CRTC3: variants seen among roughly 807,000 people sequenced by gnomAD.
The protein encoded by CRTC3 is CREB regulated transcription coactivator 3.
In CRTC3, 26 loss-of-function variants were observed where a neutral mutation model predicts 74.5. The ratio of observed to expected loss-of-function variants is 0.35; its 90% confidence interval spans 0.26 to 0.48. The LOEUF (loss-of-function observed/expected upper bound fraction) is 0.48, where lower values mean the gene tolerates loss of function less well. CRTC3 is among the 20% of genes least tolerant of loss of function. The probability of loss-of-function intolerance (pLI) is 0.99; values close to 1 mark genes in which losing one functional copy is unlikely to be tolerated. For missense variants in CRTC3, 760 were observed against 787.3 expected, an observed-to-expected ratio of 0.97 and a Z score of 0.41; for synonymous variants, 377 against 325.8, an observed-to-expected ratio of 1.16 and a Z score of -1.69.
intron 3 of CRTC3, among the ~76,000 whole-genome samples, chr15:90,599,932 C>CAGAT (rs1275941047): frequency 6.6e-6 from 1 of 152,176 alleles, no homozygotes; most frequent in African/African-American, 2.4e-5. Flanking sequence ...AAGAGAAAGG[C>CAGAT]AGATAACCGT....
intron 2 of CRTC3, among the ~76,000 whole-genome samples, chr15:90,588,338 C>T (rs1967717084): frequency 6.6e-6 from 1 of 151,796 alleles, no homozygotes; most frequent in South Asian, 2.1e-4. Context: ...TATTAGCCAG[C>T]TTTGCTTTAG....
chr15:90,564,584 G>A (rs753341850), intron 2 of CRTC3, among the ~76,000 whole-genome samples: 5 of 152,096 alleles, frequency 3.3e-5, no homozygotes, highest in Non-Finnish European at 7.4e-5. Flanking sequence ...TACTACTGAT[G>A]TTCTTTTCTT....
At chr15:90,611,465 C>T (rs1968354794) in intron 6 of CRTC3, among the ~76,000 whole-genome samples, 1 of 152,056 alleles carries the variant, frequency 6.6e-6, no homozygotes, top group Non-Finnish European at 1.5e-5. Flanking sequence ...ATTCCTTTTT[C>T]TTTTTAACCC....
chr15:90,641,802 G>T (rs1280776767), intron 14 of CRTC3, 130 bp from the exon 15 acceptor site: 3 of 704,508 alleles, frequency 4.3e-6, no homozygotes, highest in Non-Finnish European at 7.5e-6. Flanking sequence ...GGCAAGAACT[G>T]TGGGCCTGGG....
intron 3 of CRTC3, among the ~76,000 whole-genome samples, chr15:90,601,929 C>T (rs918417245): frequency 4.6e-5 from 7 of 152,054 alleles, no homozygotes; most frequent in East Asian, 1.9e-4. Flanking sequence ...GTTCTGTTTG[C>T]GTCGTGAGCC....
intron 6 of CRTC3, among the ~76,000 whole-genome samples, chr15:90,612,691 C>A (rs1349926627): frequency 6.6e-6 from 1 of 151,998 alleles, no homozygotes; most frequent in Non-Finnish European, 1.5e-5. Flanking sequence ...GTTCCCTGCC[C>A]TTTCTTAATA....
intron 11 of CRTC3, 164 bp from the exon 12 acceptor site, chr15:90,638,280 TGA>T (rs1228268405): frequency 1.7e-6 from 1 of 587,922 alleles, no homozygotes; most frequent in Admixed American, 3.1e-5. Context: ...AAGTAAAATT[TGA>T]GATATACTTT....
chr15:90,573,347 T>C, intron 2 of CRTC3, among the ~76,000 whole-genome samples: 1 of 152,186 alleles, frequency 6.6e-6, no homozygotes. Flanking sequence ...CTAGTAGTTT[T>C]TGTTTGGGAG....
At chr15:90,627,691 G>A (rs1052235389) in intron 10 of CRTC3, among the ~76,000 whole-genome samples, 30 of 150,096 alleles carry the variant, frequency 2.0e-4, no homozygotes, top group African/African-American at 7.1e-4. Flanking sequence ...GCGCCATCTC[G>A]GCTCACTGCA....
intron 2 of CRTC3, among the ~76,000 whole-genome samples, chr15:90,582,701 C>G (rs916944589): frequency 6.6e-6 from 1 of 152,206 alleles, no homozygotes; most frequent in African/African-American, 2.4e-5. Context: ...ATACCCTATG[C>G]CATCCTGTAA....
At chr15:90,578,737 G>A (rs189810758) in intron 2 of CRTC3, among the ~76,000 whole-genome samples, 5 of 152,290 alleles carry the variant, frequency 3.3e-5, no homozygotes, top group South Asian at 2.1e-4. Context: ...GAACTGGGTC[G>A]AAGGGGAGCG....
intron 2 of CRTC3, among the ~76,000 whole-genome samples, chr15:90,559,202 G>C (rs931887874): frequency 2.0e-5 from 3 of 152,156 alleles, no homozygotes; most frequent in Non-Finnish European, 2.9e-5. Flanking sequence ...TTGAATGAAT[G>C]AATCAAATAG....
At chr15:90,606,290 A>C (rs1968218225) in intron 5 of CRTC3, among the ~76,000 whole-genome samples, 1 of 151,990 alleles carries the variant, frequency 6.6e-6, no homozygotes, top group Non-Finnish European at 1.5e-5. Context: ...GGCCAGGCAC[A>C]GTGGCTCATG....
intron 11 of CRTC3, among the ~76,000 whole-genome samples, chr15:90,636,665 A>T (rs1311495787): frequency 6.6e-6 from 1 of 152,240 alleles, no homozygotes; most frequent in Admixed American, 6.5e-5. Context: ...TCATCTGACA[A>T]AGGGCTAATA....
chr15:90,595,974 C>T (rs1372803090), intron 3 of CRTC3: 1 of 152,256 alleles, frequency 6.6e-6, no homozygotes, highest in East Asian at 1.9e-4. Flanking sequence ...GGAGGCAGCT[C>T]AGGGGCTGTG....
intron 2 of CRTC3, among the ~76,000 whole-genome samples, chr15:90,561,761 C>T (rs1967015273): frequency 6.6e-6 from 1 of 152,192 alleles, no homozygotes; most frequent in Non-Finnish European, 1.5e-5. Context: ...GCTGTAGAAC[C>T]AGCCAAAGTT....
At position 90,539,953 on chromosome 15, in the gene CRTC3, C is replaced by G. The variant is rs1966776741; in HGVS notation, c.133-86C>G. The G allele has an allele frequency of 6.6e-6, 6 of 904,092 alleles. No individual in the cohort carries two copies. In the South Asian group the frequency reaches 8.6e-5, roughly 13 times the overall value. 56.0% of individuals were successfully genotyped at this position (904,092 alleles called of 1,614,324 possible). On this transcript the variant is annotated intron_variant, in intron 1 of 14. Transcript: ENST00000268184. ...TTGAAACAAGACTTTCATTCTTGAA[C>G]CGTTCCCCTACAAAATACTATACTT...
Position 90,642,918 on chromosome 15 carries a change from C to T in CRTC3, c.*778C>T. On this transcript the variant is annotated 3_prime_UTR_variant, in exon 15 of 15. Coordinates refer to ENST00000268184, the MANE Select transcript of CRTC3 (RefSeq NM_022769.5). ...GGCTGGGGAAGGAAGACAGGGACTG[C>T]AGGTGTCTCATACTCAGTGGCCTCC... 1 of 233,212 alleles carries T rather than the reference C, an allele frequency of 4.3e-6. No homozygotes were observed. The highest frequency in any genetic ancestry group is 6.1e-5 in the East Asian group (1 of 16,482). 14.4% of individuals were successfully genotyped at this position (233,212 alleles called of 1,614,324 possible). A position where few individuals can be genotyped will look rare whatever the true frequency, so the allele number is the denominator to read the frequency against.
chr15:90,618,048 A>G (rs1968540069), intron 8 of CRTC3, 80 bp downstream of exon 8: 8 of 882,038 alleles, frequency 9.1e-6, no homozygotes, highest in African/African-American at 1.7e-5. Flanking sequence ...TGCAGAGGTG[A>G]AAGCAAGAGG....
Sources: allele counts gnomAD v4.1 joint callset (sites outside exome capture counted in the v4.1 genomes callset), GRCh38; gene constraint gnomAD v4.1.1; transcripts MANE v1.5; gene names NCBI Gene and HGNC (gene_info 2026-07-23, HGNC 2026-07-21).